Variants in PPP1R12A observed in about 807,000 individuals in gnomAD.
PPP1R12A encodes the protein protein phosphatase 1 regulatory subunit 12A, also known as myosin binding subunit.
A neutral mutation model predicts 139.6 loss-of-function variants in PPP1R12A; 19 were observed. The observed-to-expected ratio is 0.14, with a 90% CI of 0.09 to 0.20. PPP1R12A has a LOEUF of 0.20. Among genes scored for constraint, PPP1R12A ranks in the 10% least tolerant of loss-of-function variants. The pLI, the probability that PPP1R12A is intolerant of heterozygous loss-of-function variation, is 1.00. For synonymous variants in PPP1R12A, 427 were observed against 420.6 expected, an observed-to-expected ratio of 1.02 and a Z score of -0.19; for missense variants, 925 against 1,211.5, an observed-to-expected ratio of 0.76 and a Z score of 3.51.
chr12:79,918,473 T>C (rs1253608427), intron 1 of PPP1R12A, among the ~76,000 whole-genome samples: 2 of 152,298 alleles, frequency 1.3e-5, no homozygotes, highest in East Asian at 1.9e-4. Flanking sequence ...TGCTGACCTA[T>C]ACAGTAAGCA....
At chr12:79,785,894 A>G (rs1046794815) in intron 22 of PPP1R12A, among the ~76,000 whole-genome samples, 2 of 152,160 alleles carry the variant, frequency 1.3e-5, no homozygotes, top group Non-Finnish European at 2.9e-5. Context: ...GGCCATCCCA[A>G]TTTTATTGTC....
At chr12:79,840,938 AG>A (rs1362570117) in intron 3 of PPP1R12A, among the ~76,000 whole-genome samples, 3 of 151,998 alleles carry the variant, frequency 2.0e-5, no homozygotes, top group Non-Finnish European at 2.9e-5. Flanking sequence ...CTATCTTTTC[AG>A]GCCTCATCTC....
intron 9 of PPP1R12A, among the ~76,000 whole-genome samples, chr12:79,814,592 G>C (rs1380536680): frequency 6.7e-6 from 1 of 150,066 alleles, no homozygotes; most frequent in Admixed American, 6.7e-5. Context: ...GAGACGGGTG[G>C]ATCACCTGAG....
chr12:79,839,566 G>A (rs1337810955), intron 3 of PPP1R12A, among the ~76,000 whole-genome samples: 2 of 152,122 alleles, frequency 1.3e-5, no homozygotes, highest in East Asian at 1.9e-4. Flanking sequence ...TGAGGTAACT[G>A]AATCATGGGG....
intron 4 of PPP1R12A, among the ~76,000 whole-genome samples, chr12:79,831,915 T>G (rs1877479422): frequency 6.6e-6 from 1 of 152,154 alleles, no homozygotes; most frequent in African/African-American, 2.4e-5. Context: ...AAACTGTATT[T>G]AAGATAAGTT....
At chr12:79,930,716 G>A (rs545956808) in intron 1 of PPP1R12A, among the ~76,000 whole-genome samples, 22 of 152,230 alleles carry the variant, frequency 1.4e-4, no homozygotes, top group African/African-American at 4.8e-4. Flanking sequence ...AGGTTTCAGT[G>A]AGCCAAGATA....
In PPP1R12A at chr12:79,809,881, C is replaced by T; in HGVS notation, c.1369G>A (p.Glu457Lys). The T allele has an allele frequency of 6.2e-7, 1 of 1,613,590 alleles. No homozygotes were observed. The highest frequency in any genetic ancestry group is 8.5e-7 in the Non-Finnish European group (1 of 1,179,722). ...GALAEITASK[E>K]GQKEKDTAGV... The stretch of plus-strand genomic sequence containing the variant: ...GCAGTATCTTTTTCTTTCTGACCCT[C>T]TTTAGATGCTGTGATTTCAGCAAGT... The change falls in exon 10 of 25, where the codon GAG (glutamate) becomes AAG (lysine). Residue 457 changes from glutamate (E) to lysine (K), a missense_variant. By Grantham distance (56) the Glu-to-Lys change is moderately conservative. Transcript: ENST00000450142.
At chr12:79,833,274 C>CA (rs1877656401) in intron 3 of PPP1R12A, among the ~76,000 whole-genome samples, 1 of 151,058 alleles carries the variant, frequency 6.6e-6, no homozygotes, top group Non-Finnish European at 1.5e-5. Flanking sequence ...TCTCAAAAAA[C>CA]AAAAAAAGGG....
At chr12:79,908,347 T>A (rs183889366) in intron 1 of PPP1R12A, among the ~76,000 whole-genome samples, 6 of 152,344 alleles carry the variant, frequency 3.9e-5, no homozygotes, top group Admixed American at 3.9e-4. Context: ...ACTCTAGCTT[T>A]AATTTTATTC....
intron 1 of PPP1R12A, among the ~76,000 whole-genome samples, chr12:79,921,810 C>A (rs1320485092): frequency 1.3e-5 from 2 of 152,128 alleles, no homozygotes; most frequent in African/African-American, 4.8e-5. Context: ...TTAATAACTT[C>A]AAAATTTTCA....
chr12:79,931,914 G>C (rs1888283460), intron 1 of PPP1R12A, among the ~76,000 whole-genome samples: 1 of 152,064 alleles, frequency 6.6e-6, no homozygotes, highest in Admixed American at 6.6e-5. Flanking sequence ...CTGAAGACTG[G>C]ATATCTTTTA....
intron 5 of PPP1R12A, chr12:79,825,417 G>A (rs1354893357): frequency 6.6e-6 from 1 of 151,846 alleles, no homozygotes; most frequent in Non-Finnish European, 1.5e-5. Flanking sequence ...AATAAATTAA[G>A]AAAGCAAATA....
chr12:79,889,640 C>T (rs1884412656), intron 1 of PPP1R12A, among the ~76,000 whole-genome samples: 1 of 152,142 alleles, frequency 6.6e-6, no homozygotes, highest in Non-Finnish European at 1.5e-5. Context: ...GTAGTCTAAC[C>T]TAATTCAGCA....
intron 2 of PPP1R12A, among the ~76,000 whole-genome samples, chr12:79,866,125 C>G (rs187280154): frequency 2.0e-5 from 3 of 152,052 alleles, no homozygotes; most frequent in Non-Finnish European, 4.4e-5. Flanking sequence ...AACAGATATA[C>G]AGACCAATGG....
At chr12:79,797,635 G>C (rs1264285272) in intron 15 of PPP1R12A, among the ~76,000 whole-genome samples, 3 of 152,070 alleles carry the variant, frequency 2.0e-5, no homozygotes, top group Non-Finnish European at 4.4e-5. Context: ...TCAAACTAGA[G>C]AAGAATAGCC....
intron 24 of PPP1R12A, chr12:79,777,588 T>C (rs947322685): frequency 2.1e-5 from 21 of 985,138 alleles, no homozygotes; most frequent in Non-Finnish European, 2.5e-5. Flanking sequence ...CAAGGCCCTA[T>C]TCTCAGTCAG....
chr12:79,891,875 G>C (rs1234940207), intron 1 of PPP1R12A, among the ~76,000 whole-genome samples: 1 of 152,166 alleles, frequency 6.6e-6, no homozygotes, highest in African/African-American at 2.4e-5. Context: ...CTTGGAAGCA[G>C]ATCCCCACCC....
In PPP1R12A at chr12:79,851,199, C is replaced by A. The variant is rs575096160; in HGVS notation, c.369-5779G>T. ...AATTATGAAAATTAAACTATCTGAA[C>A]TATTCAAAGATTAAGCAGAACATTA... On this transcript the variant is annotated intron_variant, in intron 2 of 24. Transcript: ENST00000450142. Among the ~76,000 whole-genome samples, 3 of 152,236 alleles carry A rather than the reference C, an allele frequency of 2.0e-5. No individual in the cohort carries two copies. The East Asian group carries it at 5.8e-4, about 29-fold the overall frequency.
At chr12:79,910,710 T>C (rs920958808) in intron 1 of PPP1R12A, among the ~76,000 whole-genome samples, 4 of 152,212 alleles carry the variant, frequency 2.6e-5, no homozygotes, top group Admixed American at 2.6e-4. Context: ...TTTCAAAGGC[T>C]AGTCATAACA....
Sources: allele counts gnomAD v4.1 joint callset (sites outside exome capture counted in the v4.1 genomes callset), GRCh38; gene constraint gnomAD v4.1.1; transcripts MANE v1.5; gene names NCBI Gene and HGNC (gene_info 2026-07-23, HGNC 2026-07-21).